UBE2E2: variants seen among roughly 807,000 people sequenced by gnomAD.
UBE2E2 encodes the protein ubiquitin-conjugating enzyme E2 E2.
Under a neutral mutation model 24.7 loss-of-function variants are expected in UBE2E2, and 6 were observed. That is an observed-to-expected ratio of 0.24 (90% CI 0.13 to 0.48). The LOEUF is 0.48. Ranked by LOEUF, UBE2E2 falls within the 20% of genes least tolerant of loss-of-function variation. The probability of loss-of-function intolerance (pLI) is 0.99; values close to 1 mark genes in which losing one functional copy is unlikely to be tolerated. For missense variants in UBE2E2, 169 were observed against 245.0 expected, an observed-to-expected ratio of 0.69 and a Z score of 2.07; for synonymous variants, 104 against 83.6, an observed-to-expected ratio of 1.24 and a Z score of -1.33.
At chr3:23,521,897 C>G (rs910316856) in intron 4 of UBE2E2, among the ~76,000 whole-genome samples, 29 of 150,820 alleles carry the variant, frequency 1.9e-4, no homozygotes, top group African/African-American at 6.9e-4. Context: ...TACCCCCCAC[C>G]CCCCCAGCAC....
chr3:23,572,644 T>G (rs1280534430), intron 5 of UBE2E2, among the ~76,000 whole-genome samples: 1 of 152,230 alleles, frequency 6.6e-6, no homozygotes, highest in Non-Finnish European at 1.5e-5. Context: ...TATTTGGTTT[T>G]CTGTTTCTAT....
At chr3:23,432,009 G>A (rs1252439953) in intron 3 of UBE2E2, among the ~76,000 whole-genome samples, 4 of 152,174 alleles carry the variant, frequency 2.6e-5, no homozygotes, top group South Asian at 2.1e-4. Context: ...TGTAAAGCAT[G>A]TAGGCAAACG....
chr3:23,268,154 T>G (rs78993447), intron 3 of UBE2E2, among the ~76,000 whole-genome samples: 124,162 of 147,920 alleles, frequency 0.84, 52,263 homozygotes, highest in African/African-American at 0.9. Context: ...ACAAGACAGG[T>G]TTTCCCTCTC....
chr3:23,304,920 A>G (rs928879008), intron 3 of UBE2E2, among the ~76,000 whole-genome samples: 1 of 151,650 alleles, frequency 6.6e-6, no homozygotes. Flanking sequence ...CCCATGGATG[A>G]TTTTGTAATA....
chr3:23,564,918 A>G (rs1696030164), intron 5 of UBE2E2, among the ~76,000 whole-genome samples: 1 of 152,198 alleles, frequency 6.6e-6, no homozygotes, highest in Non-Finnish European at 1.5e-5. Flanking sequence ...CATGAGAAGT[A>G]ATAATCAAAA....
chr3:23,224,159 T>TTG (rs1696747782), intron 3 of UBE2E2, among the ~76,000 whole-genome samples: 1 of 146,134 alleles, frequency 6.8e-6, no homozygotes, highest in African/African-American at 2.5e-5. Flanking sequence ...ATTTTAGGTT[T>TTG]TTTTTTTTTT....
At chr3:23,400,612 A>ACACACACACACACACATACT (rs1488940919) in intron 3 of UBE2E2, among the ~76,000 whole-genome samples, 1 of 110,056 alleles carries the variant, frequency 9.1e-6, no homozygotes, top group Non-Finnish European at 2.1e-5. Flanking sequence ...AATGAAACAC[A>ACACACACACACACACATACT]CACACACACA....
intron 3 of UBE2E2, among the ~76,000 whole-genome samples, chr3:23,277,153 A>G (rs1034670298): frequency 2.6e-5 from 4 of 152,150 alleles, no homozygotes; most frequent in African/African-American, 9.6e-5. Flanking sequence ...GCTGTACACT[A>G]GAAGAATAGT....
At chr3:23,249,972 A>T (rs1335619261) in intron 3 of UBE2E2, among the ~76,000 whole-genome samples, 1 of 152,212 alleles carries the variant, frequency 6.6e-6, no homozygotes, top group African/African-American at 2.4e-5. Context: ...AATTTTAAGA[A>T]TACATATTCT....
intron 5 of UBE2E2, among the ~76,000 whole-genome samples, chr3:23,546,979 T>G (rs1695539249): frequency 6.6e-6 from 1 of 152,230 alleles, no homozygotes; most frequent in Non-Finnish European, 1.5e-5. Flanking sequence ...CGTGCTTTTT[T>G]GATGACTTGG....
chr3:23,299,140 G>A (rs1027751467), intron 3 of UBE2E2, among the ~76,000 whole-genome samples: 27 of 152,080 alleles, frequency 1.8e-4, no homozygotes, highest in Non-Finnish European at 1.6e-4. Context: ...TGATATCCCC[G>A]TTATCATTTT....
At chr3:23,458,350 A>G (rs1698726173) in intron 3 of UBE2E2, among the ~76,000 whole-genome samples, 1 of 148,106 alleles carries the variant, frequency 6.8e-6, no homozygotes. Flanking sequence ...CCCCAAAACA[A>G]TTAAGATTCT....
chr3:23,406,516 A>G (rs1486883166), intron 3 of UBE2E2, among the ~76,000 whole-genome samples: 10 of 152,212 alleles, frequency 6.6e-5, no homozygotes, highest in African/African-American at 9.6e-5. Context: ...AGTTTTTAAT[A>G]TTGTTGTTAT....
chr3:23,257,123 G>C (rs1250523631), intron 3 of UBE2E2, among the ~76,000 whole-genome samples: 2 of 152,202 alleles, frequency 1.3e-5, no homozygotes, highest in Non-Finnish European at 2.9e-5. Context: ...AGAAGCTATT[G>C]TAATAAGTTC....
chr3:23,531,888 C>G (rs910081896), intron 4 of UBE2E2, among the ~76,000 whole-genome samples: 1 of 151,860 alleles, frequency 6.6e-6, no homozygotes, highest in Non-Finnish European at 1.5e-5. Flanking sequence ...ATGGCAAAAC[C>G]CTGTCTCTAC....
intron 4 of UBE2E2, among the ~76,000 whole-genome samples, chr3:23,522,421 C>T (rs1694890945): frequency 6.6e-6 from 1 of 152,162 alleles, no homozygotes; most frequent in African/African-American, 2.4e-5. Flanking sequence ...CGTGAGCCAC[C>T]GCGCCTGGCC....
chr3:23,529,783 G>T (rs565551282), intron 4 of UBE2E2, among the ~76,000 whole-genome samples: 7 of 152,150 alleles, frequency 4.6e-5, no homozygotes, highest in Non-Finnish European at 7.3e-5. Flanking sequence ...TTAATATCAC[G>T]AGATAGTCTC....
chr3:23,467,173 T>G (rs1698936993), intron 3 of UBE2E2, among the ~76,000 whole-genome samples: 1 of 152,224 alleles, frequency 6.6e-6, no homozygotes, highest in African/African-American at 2.4e-5. Context: ...AGTAACTGTT[T>G]ATCAGGTAAT....
At chr3:23,353,471 GTA>G (rs1695828524) in intron 3 of UBE2E2, among the ~76,000 whole-genome samples, 1 of 152,216 alleles carries the variant, frequency 6.6e-6, no homozygotes, top group Non-Finnish European at 1.5e-5. Flanking sequence ...TGACATGATA[GTA>G]TATCTAGAAA....
Sources: allele counts gnomAD v4.1 joint callset (sites outside exome capture counted in the v4.1 genomes callset), GRCh38; gene constraint gnomAD v4.1.1; transcripts MANE v1.5; gene names NCBI Gene and HGNC (gene_info 2026-07-23, HGNC 2026-07-21).